CTNND2: variants seen among roughly 807,000 people sequenced by gnomAD.
CTNND2 encodes the protein catenin delta 2, also known as catenin delta-2.
Under a neutral mutation model 144.4 loss-of-function variants are expected in CTNND2, and 22 were observed. The ratio of observed to expected loss-of-function variants is 0.15; its 90% CI spans 0.11 to 0.22. The LOEUF is 0.22. Ranked by LOEUF, CTNND2 falls within the 10% of genes least tolerant of loss-of-function variation. CTNND2 has a pLI of 1.00. For synonymous variants in CTNND2, 751 were observed against 695.6 expected (o/e 1.08, Z -1.25); for missense variants, 1,353 against 1,618.8 (o/e 0.84, Z 2.82).
chr5:11,317,581 C>A (rs1309381605), intron 9 of CTNND2, among the ~76,000 whole-genome samples: 3 of 152,152 alleles, frequency 2.0e-5, no homozygotes, highest in Non-Finnish European at 2.9e-5. Context: ...ATTATAAGTA[C>A]TTTTCAATGA....
intron 3 of CTNND2, among the ~76,000 whole-genome samples, chr5:11,424,528 A>G (rs572375813): frequency 1.3e-5 from 2 of 152,228 alleles, no homozygotes; most frequent in South Asian, 4.1e-4. Flanking sequence ...GGTTGTAGCA[A>G]TGTTGATTCT....
chr5:11,571,926 A>G (rs1305752493), intron 2 of CTNND2, among the ~76,000 whole-genome samples: 2 of 152,194 alleles, frequency 1.3e-5, no homozygotes, highest in Non-Finnish European at 2.9e-5. Context: ...CAGTGCTTTA[A>G]GTAACCCTAA....
chr5:11,229,764 ACTG>A (rs1706583202), intron 10 of CTNND2, among the ~76,000 whole-genome samples: 2 of 151,510 alleles, frequency 1.3e-5, no homozygotes, highest in Non-Finnish European at 2.9e-5. Flanking sequence ...ATACTGTATA[ACTG>A]CTTTCATGTA....
Position 11,902,663 on chromosome 5 carries a change from C to G in CTNND2, c.37+1154G>C, listed in dbSNP as rs190993231. ...TACACCTGTCAGGCCTAATACTATG[C>G]TGACAACATTCTCTGTTTTCTAAAT... On this transcript the variant is annotated intron_variant, in intron 1 of 21. Coordinates refer to ENST00000304623, the MANE Select transcript of CTNND2 (RefSeq NM_001332.4). Among the ~76,000 whole-genome samples the G allele has an allele frequency of 4.6e-5, 7 of 152,272 alleles. No individual in the cohort carries two copies. The East Asian group carries it at 1.3e-3, about 29-fold the overall frequency.
At chr5:11,083,251 T>G (rs534287382) in intron 15 of CTNND2, among the ~76,000 whole-genome samples, 12 of 151,964 alleles carry the variant, frequency 7.9e-5, no homozygotes, top group African/African-American at 2.7e-4. Flanking sequence ...TGTGTGGGAG[T>G]GATTTCTCAA....
intron 2 of CTNND2, among the ~76,000 whole-genome samples, chr5:11,709,944 A>C (rs1179333418): frequency 6.6e-6 from 1 of 152,204 alleles, no homozygotes; most frequent in Non-Finnish European, 1.5e-5. Flanking sequence ...AGTTATTTAG[A>C]AAAATGCCTT....
chr5:11,581,703 T>C (rs1472641719), intron 2 of CTNND2, among the ~76,000 whole-genome samples: 2 of 152,170 alleles, frequency 1.3e-5, no homozygotes, highest in Non-Finnish European at 2.9e-5. Flanking sequence ...CCAACTCCAG[T>C]AATAATCAAG....
intron 2 of CTNND2, among the ~76,000 whole-genome samples, chr5:11,613,308 G>A (rs1360518175): frequency 6.6e-6 from 1 of 152,144 alleles, no homozygotes; most frequent in East Asian, 1.9e-4. Context: ...GTGTGTATAT[G>A]TGTATGACAC....
At chr5:11,168,376 T>C (rs1032826972) in intron 11 of CTNND2, among the ~76,000 whole-genome samples, 1 of 152,172 alleles carries the variant, frequency 6.6e-6, no homozygotes, top group African/African-American at 2.4e-5. Context: ...TAATTGAAAA[T>C]AATTTGTATG....
intron 9 of CTNND2, among the ~76,000 whole-genome samples, chr5:11,276,007 A>T (rs1177791372): frequency 6.6e-6 from 1 of 152,212 alleles, no homozygotes; most frequent in East Asian, 1.9e-4. Flanking sequence ...ATTCAAAACA[A>T]CCTTATTTCT....
intron 1 of CTNND2, among the ~76,000 whole-genome samples, chr5:11,901,633 A>G (rs925449124): frequency 6.6e-6 from 1 of 152,196 alleles, no homozygotes; most frequent in African/African-American, 2.4e-5. Flanking sequence ...ACCAAATTAA[A>G]TAACTCCTTT....
In CTNND2 at chr5:11,384,595, G is replaced by C. The variant is rs1561312720; in HGVS notation, c.1177+70C>G. The C allele has an allele frequency of 2.1e-6, 3 of 1,452,210 alleles. No homozygotes were observed. Among genetic ancestry groups the C allele is most frequent in the Non-Finnish European group, 2.8e-6 (3 of 1,083,248 alleles). The allele number at this position is 1,452,210 out of a possible 1,614,324, so 90.0% of individuals were successfully genotyped here. Reference sequence around the variant, plus strand: ...CGCGCCCGGCTTCGCTTCTGCTCAAGCCGGGCTGCTGCTTCCGCGTCCCCG... The same window carrying C: ...CGCGCCCGGCTTCGCTTCTGCTCAACCCGGGCTGCTGCTTCCGCGTCCCCG... On this transcript the variant is annotated intron_variant, in intron 7 of 21. Transcript: ENST00000304623. This position sits in a 1 kb window ranked among gnomAD's most constrained non-coding sequence, Gnocchi z 5.2.
At chr5:11,314,007 C>T (rs1261218316) in intron 9 of CTNND2, among the ~76,000 whole-genome samples, 2 of 152,148 alleles carry the variant, frequency 1.3e-5, no homozygotes, top group Non-Finnish European at 2.9e-5. Context: ...ATCCAATCAT[C>T]TCCCACCAAG....
At position 11,862,676 on chromosome 5, in the gene CTNND2, C is replaced by T. The variant is rs1296776816; in HGVS notation, c.37+41141G>A. Among the ~76,000 whole-genome samples, 4 of 152,220 alleles carry T rather than the reference C, an allele frequency of 2.6e-5. No homozygotes were observed. In the East Asian group the frequency reaches 7.7e-4, roughly 29 times the overall value. On this transcript the variant is annotated intron_variant, in intron 1 of 21. Transcript: ENST00000304623. The stretch of plus-strand genomic sequence containing the variant: ...TCACCTGCTTTCTCATTCCCTAGCC[C>T]TTATTTCAAAAAGGAGTCTTCATTT...
At chr5:11,633,012 G>T (rs1156860735) in intron 2 of CTNND2, among the ~76,000 whole-genome samples, 1 of 152,106 alleles carries the variant, frequency 6.6e-6, no homozygotes, top group Admixed American at 6.5e-5. Context: ...GACACTATTT[G>T]GCACACTAAC....
chr5:11,518,623 T>C (rs767559862), intron 3 of CTNND2, among the ~76,000 whole-genome samples: 7 of 152,214 alleles, frequency 4.6e-5, no homozygotes, highest in Non-Finnish European at 8.8e-5. Context: ...TACAGGTGTA[T>C]CTTTTTTTAA....
At chr5:11,080,674 C>T (rs1342048851) in intron 16 of CTNND2, among the ~76,000 whole-genome samples, 1 of 152,206 alleles carries the variant, frequency 6.6e-6, no homozygotes, top group Non-Finnish European at 1.5e-5. Context: ...TCCTTTACAA[C>T]AACATGGATG....
At chr5:11,565,799 C>T (rs1393560884) in intron 2 of CTNND2, among the ~76,000 whole-genome samples, 1 of 152,132 alleles carries the variant, frequency 6.6e-6, no homozygotes, top group African/African-American at 2.4e-5. Flanking sequence ...GGATTTTGTA[C>T]CATATTTTAC....
intron 1 of CTNND2, among the ~76,000 whole-genome samples, chr5:11,748,743 T>TTAC (rs1561759745): frequency 6.6e-6 from 1 of 152,136 alleles, no homozygotes; most frequent in Non-Finnish European, 1.5e-5. Context: ...TTATTATTTG[T>TTAC]TACTATCTCT....
Sources: allele counts gnomAD v4.1 joint callset (sites outside exome capture counted in the v4.1 genomes callset), GRCh38; gene constraint gnomAD v4.1.1; non-coding constraint Gnocchi (gnomAD v3.1); transcripts MANE v1.5; gene names NCBI Gene and HGNC (gene_info 2026-07-23, HGNC 2026-07-21).